Variants in EXOC6B observed in about 807,000 individuals in gnomAD.
The protein encoded by EXOC6B is exocyst complex component 6B, also known as SEC15 homolog B.
EXOC6B carries 54 observed loss-of-function variants against 113.5 expected under a neutral mutation model. The observed-to-expected ratio is 0.48, with a 90% CI of 0.38 to 0.60. The LOEUF (loss-of-function observed/expected upper bound fraction) is 0.60. Among genes scored for constraint, EXOC6B ranks in the 20% least tolerant of loss-of-function variants. The probability of loss-of-function intolerance (pLI) is 0.00; values close to 1 mark genes in which losing one functional copy is unlikely to be tolerated. For missense variants in EXOC6B, 797 were observed against 977.5 expected, an observed-to-expected ratio of 0.82 and a Z score of 2.46; for synonymous variants, 357 against 339.0, an observed-to-expected ratio of 1.05 and a Z score of -0.58.
At chr2:72,706,144 T>C (rs1019852107) in intron 6 of EXOC6B, among the ~76,000 whole-genome samples, 5 of 152,184 alleles carry the variant, frequency 3.3e-5, no homozygotes, top group Non-Finnish European at 7.3e-5. Context: ...ATGCATCCCT[T>C]CTGGATAATT....
chr2:72,371,396 C>T (rs530203466), intron 19 of EXOC6B, among the ~76,000 whole-genome samples: 70 of 152,282 alleles, frequency 4.6e-4, no homozygotes, highest in Non-Finnish European at 8.4e-4. Flanking sequence ...AAGAAAACTA[C>T]ATGCCAACAT....
intron 1 of EXOC6B, among the ~76,000 whole-genome samples, chr2:72,760,968 T>A (rs1354290404): frequency 6.6e-6 from 1 of 152,102 alleles, no homozygotes; most frequent in Non-Finnish European, 1.5e-5. Context: ...TCACCTGAGG[T>A]CAGGACTTCA....
intron 1 of EXOC6B, among the ~76,000 whole-genome samples, chr2:72,814,864 G>A (rs1686135051): frequency 6.6e-6 from 1 of 152,116 alleles, no homozygotes; most frequent in Non-Finnish European, 1.5e-5. Flanking sequence ...GGTGGCAGGC[G>A]CCTGTAGTCC....
chr2:72,740,919 G>A (rs1681269576), intron 2 of EXOC6B, among the ~76,000 whole-genome samples: 1 of 152,056 alleles, frequency 6.6e-6, no homozygotes, highest in Non-Finnish European at 1.5e-5. Context: ...TGGCTAACAC[G>A]GTGAAACCCC....
chr2:72,556,265 T>C (rs968777017), intron 8 of EXOC6B, among the ~76,000 whole-genome samples: 1 of 152,196 alleles, frequency 6.6e-6, no homozygotes, highest in African/African-American at 2.4e-5. Flanking sequence ...AGCTTCACTA[T>C]ACAGTCCTTC....
At chr2:72,719,841 A>G (rs1020055205) in intron 5 of EXOC6B, among the ~76,000 whole-genome samples, 1 of 152,204 alleles carries the variant, frequency 6.6e-6, no homozygotes, top group African/African-American at 2.4e-5. Flanking sequence ...GAAAGAAACA[A>G]AGAACATGGG....
chr2:72,213,964 C>A (rs924300596), intron 20 of EXOC6B, among the ~76,000 whole-genome samples: 1 of 152,072 alleles, frequency 6.6e-6, no homozygotes, highest in Non-Finnish European at 1.5e-5. Flanking sequence ...ACTAAAACAA[C>A]GGGAAATTGG....
chr2:72,738,502 T>C (rs1681105208), intron 2 of EXOC6B, among the ~76,000 whole-genome samples: 1 of 152,228 alleles, frequency 6.6e-6, no homozygotes, highest in Admixed American at 6.5e-5. Context: ...TTTGTATTAA[T>C]GTGTACACTT....
intron 6 of EXOC6B, among the ~76,000 whole-genome samples, chr2:72,637,749 C>T (rs1328944940): frequency 6.6e-6 from 1 of 150,600 alleles, no homozygotes; most frequent in African/African-American, 2.5e-5. Flanking sequence ...AAGATCACAC[C>T]ACTGCAGTAC....
intron 8 of EXOC6B, among the ~76,000 whole-genome samples, chr2:72,551,582 G>A (rs1199396338): frequency 1.3e-5 from 2 of 150,328 alleles, no homozygotes; most frequent in Non-Finnish European, 2.9e-5. Flanking sequence ...TCGGCTCACT[G>A]CAAGCTCCGC....
At chr2:72,408,560 C>T (rs143543336) in intron 18 of EXOC6B, among the ~76,000 whole-genome samples, 30,473 of 151,988 alleles carry the variant, frequency 0.2, 5,642 homozygotes, top group African/African-American at 0.49. Context: ...GAAATAATGC[C>T]GCATATATAC....
chr2:72,353,849 T>G (rs1333813234), intron 19 of EXOC6B, among the ~76,000 whole-genome samples: 2 of 152,164 alleles, frequency 1.3e-5, no homozygotes, highest in East Asian at 3.8e-4. Context: ...AACCACAACA[T>G]AGTTTTCTTC....
At chr2:72,578,679 G>A (rs1319944801) in intron 6 of EXOC6B, among the ~76,000 whole-genome samples, 6 of 152,000 alleles carry the variant, frequency 3.9e-5, no homozygotes, top group Admixed American at 1.3e-4. Flanking sequence ...TGGAGACCCT[G>A]ACCCCTGAAT....
chr2:72,463,714 G>A (rs909056612), intron 18 of EXOC6B: 2 of 152,182 alleles, frequency 1.3e-5, no homozygotes, highest in African/African-American at 4.8e-5. Context: ...ATTTCTCACA[G>A]TTTCACAGTG....
At chr2:72,275,362 A>G (rs1684751435) in intron 20 of EXOC6B, among the ~76,000 whole-genome samples, 1 of 152,082 alleles carries the variant, frequency 6.6e-6, no homozygotes, top group South Asian at 2.1e-4. Flanking sequence ...AGTTCAAGCA[A>G]CACTTCATGG....
At chr2:72,239,470 T>C (rs1054626900) in intron 20 of EXOC6B, among the ~76,000 whole-genome samples, 1 of 152,220 alleles carries the variant, frequency 6.6e-6, no homozygotes, top group Non-Finnish European at 1.5e-5. Flanking sequence ...TGCATACTTG[T>C]CAAAAGTTAA....
At chr2:72,409,968 ATG>A (rs890062898) in intron 18 of EXOC6B, among the ~76,000 whole-genome samples, 1 of 152,192 alleles carries the variant, frequency 6.6e-6, no homozygotes, top group African/African-American at 2.4e-5. Flanking sequence ...AGAACATGGG[ATG>A]CCGTCGTTCC....
intron 16 of EXOC6B, among the ~76,000 whole-genome samples, chr2:72,485,908 T>C (rs1248989036): frequency 6.6e-6 from 1 of 152,196 alleles, no homozygotes; most frequent in Non-Finnish European, 1.5e-5. Flanking sequence ...ATACCCAATA[T>C]GGTTTCACCA....
intron 8 of EXOC6B, among the ~76,000 whole-genome samples, chr2:72,526,071 A>G (rs1701734171): frequency 6.6e-6 from 1 of 152,126 alleles, no homozygotes; most frequent in Non-Finnish European, 1.5e-5. Flanking sequence ...ACACTTGTCA[A>G]TCTTCTAAAC....
Sources: gnomAD v4.1 joint callset for allele counts (sites outside exome capture counted in the v4.1 genomes callset) on GRCh38, gnomAD v4.1.1 for gene constraint, MANE v1.5 for transcripts, NCBI Gene and HGNC (gene_info 2026-07-23, HGNC 2026-07-21) for gene names.